The following MAN2B1 variants were observed in gnomAD, a reference collection of about 807,000 sequenced individuals.
The protein encoded by MAN2B1 is lysosomal alpha-mannosidase.
Under a neutral mutation model 127.5 loss-of-function variants are expected in MAN2B1, and 99 were observed. The observed-to-expected ratio is 0.78, with a 90% CI of 0.66 to 0.92. The LOEUF (loss-of-function observed/expected upper bound fraction) is 0.92, where lower values mean the gene tolerates loss of function less well. Among genes scored for constraint, MAN2B1 ranks in the 40% least tolerant of loss-of-function variants. The pLI, the probability that MAN2B1 is intolerant of heterozygous loss-of-function variation, is 0.00. For synonymous variants in MAN2B1, 573 were observed against 568.8 expected (o/e 1.01, Z -0.11); for missense variants, 1,304 against 1,384.8 (o/e 0.94, Z 0.93).
Position 12,663,302 on chromosome 19 carries a change from G to A in MAN2B1, c.909+15C>T, listed in dbSNP as rs1017356457. Reference sequence around the variant, plus strand: ...TGTATATACCGGACTCGAAGGTTCTGGACACCAGGGTTACCTGGGCAGTGG... The same window carrying A: ...TGTATATACCGGACTCGAAGGTTCTAGACACCAGGGTTACCTGGGCAGTGG... On this transcript the variant is annotated intron_variant, in intron 6 of 23. Transcript: ENST00000456935. The A allele has an allele frequency of 3.1e-6, 5 of 1,614,028 alleles. No individual in the cohort carries two copies. The African/African-American group carries it at 6.7e-5, about 22-fold the overall frequency.
chr19:12,657,178 C>T (rs1391919709), intron 11 of MAN2B1, 122 bp from the exon 12 acceptor site: 2 of 735,944 alleles, frequency 2.7e-6, no homozygotes, highest in Non-Finnish European at 4.8e-6. Flanking sequence ...CCCAAAACCC[C>T]TTCTAGCCCC....
chr19:12,656,903 T>G (rs2023975182), intron 12 of MAN2B1, 46 bp downstream of exon 12: 1 of 1,473,970 alleles, frequency 6.8e-7, no homozygotes, highest in East Asian at 2.3e-5. Flanking sequence ...AACTACCCCC[T>G]CTAAAGCCCA....
chr19:12,648,313 G>A lies in MAN2B1; in HGVS notation c.2526C>T (p.His842=), dbSNP rs761344747. The A allele has an allele frequency of 5.6e-6, 9 of 1,613,290 alleles. 1 individual carries two copies. The South Asian group carries it at 7.7e-5, about 14-fold the overall frequency. The change falls in exon 21 of 24, where the codon CAC becomes CAT. Residue 842 remains histidine, a synonymous_variant. Transcript: ENST00000456935. ...NGSGAWVRGR[H]LVLLDTAQAA... ...CCTGGGCTGTGTCCAGCAGCACCAG[G>A]TGGCGCCCTCGCACCCACGCCCCCG...
chr19:12,666,040 T>C (rs939091074), intron 1 of MAN2B1, among the ~76,000 whole-genome samples: 2 of 151,992 alleles, frequency 1.3e-5, no homozygotes, highest in African/African-American at 2.4e-5. Context: ...AAAATAATAA[T>C]AGAAGTAGCT....
At chr19:12,652,887 T>G (rs918994950) in intron 14 of MAN2B1, among the ~76,000 whole-genome samples, 2 of 151,526 alleles carry the variant, frequency 1.3e-5, no homozygotes, top group Non-Finnish European at 2.9e-5. Flanking sequence ...CAGGCTGGAG[T>G]GCAGGGGCGC....
chr19:12,665,637 T>C, intron 2 of MAN2B1, 66 bp downstream of exon 2: 1 of 1,587,056 alleles, frequency 6.3e-7, no homozygotes, highest in South Asian at 1.1e-5. Flanking sequence ...CACCCTAATG[T>C]CCAGGACCCA....
Position 12,657,475 on chromosome 19 carries a change from GGC to G in MAN2B1, c.1388_1389del (p.Arg463ProfsTer53), listed in dbSNP as rs771647137. 3.4e-5 allele frequency: 53 copies of G among 1,562,296 alleles called. No homozygotes were observed. The highest frequency in any genetic ancestry group is 4.6e-5 in the Non-Finnish European group (53 of 1,154,282). On this transcript the variant is annotated frameshift_variant, in exon 11 of 24. Transcript: ENST00000456935. LOFTEE classifies it high-confidence loss of function. Reference sequence around the variant, plus strand: ...CAAGGCCCCCAGCCTGCCGCAAGCTGGCGCGCGTAGTCGTTGGCCACGTGCTG... The same window carrying G: ...CAAGGCCCCCAGCCTGCCGCAAGCTGGCGCGTAGTCGTTGGCCACGTGCTG... ...SRQHVANDYA[R>X]QLAAGWGPCE...
chr19:12,657,735 G>A (rs1209342463), intron 10 of MAN2B1, 180 bp from the exon 11 acceptor site: 2 of 659,090 alleles, frequency 3.0e-6, no homozygotes, highest in African/African-American at 3.6e-5. Flanking sequence ...GAGGCGGGCG[G>A]ATCACGAGGT....
At position 12,663,360 on chromosome 19, in the gene MAN2B1, G is replaced by C; in HGVS notation, c.866C>G (p.Ala289Gly). The C allele has an allele frequency of 6.2e-7, 1 of 1,614,116 alleles. No individual in the cohort carries two copies. Among genetic ancestry groups the C allele is most frequent in the Non-Finnish European group, 8.5e-7 (1 of 1,179,994 alleles). Residue 289 changes from alanine to glycine, a missense_variant, in exon 6 of 24, where the codon GCC (alanine) becomes GGC (glycine). Transcript: ENST00000456935. ...VEDPRSPEYN[A>G]KELVDYFLNV... ...TAGGAAGTAATCGACCAGCTCCTTG[G>C]CGTTGTACTCGGGGCTGCGAGGGTC... is the stretch of plus-strand genomic sequence containing the variant.
chr19:12,665,340 G>C lies in MAN2B1; in HGVS notation c.436+12C>G, dbSNP rs373250649. 59 of 1,602,554 alleles carry C rather than the reference G, an allele frequency of 3.7e-5. No homozygotes were observed. Among genetic ancestry groups the C allele is most frequent in the Non-Finnish European group, 4.9e-5 (58 of 1,179,944 alleles). On this transcript the variant is annotated intron_variant, in intron 3 of 23. Transcript: ENST00000456935. ...TGGGCTTCCTCTTTTCACTTCCTTG[G>C]GGTAGGCTCACCCTGGCGCACAAGG...
At chr19:12,666,439 A>G (rs2024243944) in intron 1 of MAN2B1, 104 bp downstream of exon 1, 5 of 1,282,174 alleles carry the variant, frequency 3.9e-6, no homozygotes, top group Non-Finnish European at 5.5e-6. Flanking sequence ...TCATATCATC[A>G]GCCATTCACT....
chr19:12,649,936 A>G lies in MAN2B1; in HGVS notation c.2244T>C (p.Asn748=). The G allele has an allele frequency of 1.3e-6, 2 of 1,552,216 alleles. No homozygotes were observed. Among genetic ancestry groups the G allele is most frequent in the South Asian group, 1.1e-5 (1 of 90,472 alleles). ...ACCTCCTCTCCAGGATCTCCCGGCC[A>G]TTGCTGTCTGTGTAGAAGCGTCCCT... ...ETKGRFYTDS[N]GREILERRRD... is the part of the protein sequence containing the mutation. Residue 748 remains asparagine, a synonymous_variant, in exon 18 of 24, where the codon AAT becomes AAC. Coordinates refer to ENST00000456935, the MANE Select transcript of MAN2B1 (RefSeq NM_000528.4).
At chr19:12,650,280 C>T in intron 16 of MAN2B1, 58 bp from the exon 17 acceptor site, 3 of 1,088,078 alleles carry the variant, frequency 2.8e-6, no homozygotes, top group African/African-American at 1.5e-5. Flanking sequence ...GTGAGTCCTA[C>T]AAATGTCCCC....
At chr19:12,664,652 C>T in intron 4 of MAN2B1, 140 bp downstream of exon 4, 2 of 911,950 alleles carry the variant, frequency 2.2e-6, no homozygotes, top group East Asian at 2.6e-5. Flanking sequence ...CTTTACGGCT[C>T]ACTCAAGGGG....
At chr19:12,649,503 A>G (rs1254793254) in intron 18 of MAN2B1, 75 bp from the exon 19 acceptor site, 8 of 363,766 alleles carry the variant, frequency 2.2e-5, no homozygotes, top group African/African-American at 3.2e-4. Context: ...TTTTTTTGAG[A>G]TGGAGTCTCG....
intron 17 of MAN2B1, 28 bp downstream of exon 17, chr19:12,650,076 C>T (rs767667453): frequency 2.5e-5 from 41 of 1,611,334 alleles, no homozygotes; most frequent in Non-Finnish European, 3.4e-5. Flanking sequence ...CTTGCTTCCA[C>T]ACCCCTCTCC....
At chr19:12,662,695 C>T (rs955837480) in intron 6 of MAN2B1, among the ~76,000 whole-genome samples, 1 of 151,950 alleles carries the variant, frequency 6.6e-6, no homozygotes, top group African/African-American at 2.4e-5. Context: ...CACCTGTAAT[C>T]CCAGCACTTT....
chr19:12,649,615 G>T lies in MAN2B1; in HGVS notation c.2268-187C>A, dbSNP rs1253962509. On this transcript the variant is annotated intron_variant, in intron 18 of 23. Transcript: ENST00000456935. ...TCCTGCCTCAGCCTCCCGAGTAGCT[G>T]GGACTACAGGTGCCCGCCACCACAC... 2.0e-5 allele frequency among the ~76,000 whole-genome samples: 3 copies of T among 151,220 alleles called. No individual in the cohort carries two copies. The Admixed American group carries it at 2.0e-4, about 10-fold the overall frequency.
chr19:12,655,650 A>G (rs2145249872), intron 14 of MAN2B1, 44 bp downstream of exon 14: 2 of 1,585,718 alleles, frequency 1.3e-6, no homozygotes, highest in South Asian at 1.1e-5. Context: ...TGACACTTCA[A>G]ATTTGTCACA....
Sources: allele counts gnomAD v4.1 joint callset (sites outside exome capture counted in the v4.1 genomes callset), GRCh38; gene constraint gnomAD v4.1.1; transcripts MANE v1.5; gene names NCBI Gene and HGNC (gene_info 2026-07-23, HGNC 2026-07-21).